Variants in SV2C observed in about 807,000 individuals in gnomAD.
SV2C encodes the protein synaptic vesicle glycoprotein 2C, also known as solute carrier family 22 member B3.
SV2C carries 49 observed loss-of-function variants against 79.7 expected under a neutral mutation model. The ratio of observed to expected loss-of-function variants is 0.61; its 90% CI spans 0.49 to 0.78. SV2C has a LOEUF of 0.78. Ranked by LOEUF, SV2C falls within the 30% of genes least tolerant of loss-of-function variation. The pLI is 0.00. For missense variants in SV2C, 833 were observed against 912.9 expected, an observed-to-expected ratio of 0.91 and a Z score of 1.13; for synonymous variants, 334 against 333.2, an observed-to-expected ratio of 1.00 and a Z score of -0.03.
At chr5:76,343,076 A>C (rs1188119661) in intron 12 of SV2C, among the ~76,000 whole-genome samples, 1 of 152,142 alleles carries the variant, frequency 6.6e-6, no homozygotes, top group Admixed American at 6.6e-5. Context: ...ATTGTAATGT[A>C]GTCTAAGTTA....
the SV2C span, among the ~76,000 whole-genome samples, chr5:75,994,195 T>G: frequency 2.0e-5 from 3 of 152,112 alleles, no homozygotes; most frequent in African/African-American, 7.2e-5. Context: ...GTAAATCATG[T>G]CTATATGTGA....
At chr5:76,268,917 AC>A (rs1204465437) in intron 4 of SV2C, among the ~76,000 whole-genome samples, 1 of 152,246 alleles carries the variant, frequency 6.6e-6, no homozygotes, top group African/African-American at 2.4e-5. Flanking sequence ...TAACACAAAA[AC>A]AAAACACATT....
At chr5:75,935,617 A>T in the SV2C span, among the ~76,000 whole-genome samples, 3 of 152,360 alleles carry the variant, frequency 2.0e-5, no homozygotes, top group East Asian at 5.8e-4. Flanking sequence ...TCAGGAAGAC[A>T]TAAATGTACT....
the SV2C span, among the ~76,000 whole-genome samples, chr5:75,972,437 G>C: frequency 6.6e-6 from 1 of 151,952 alleles, no homozygotes; most frequent in African/African-American, 2.4e-5. Flanking sequence ...ATCTGACAAA[G>C]GGCTAATATC....
chr5:76,272,397 C>G (rs952803722), intron 4 of SV2C, among the ~76,000 whole-genome samples: 1 of 152,112 alleles, frequency 6.6e-6, no homozygotes, highest in Non-Finnish European at 1.5e-5. Context: ...GTGCAAACAG[C>G]AAAAAGAAAA....
At chr5:76,108,843 G>A (rs565476359) in intron 1 of SV2C, among the ~76,000 whole-genome samples, 11 of 152,282 alleles carry the variant, frequency 7.2e-5, no homozygotes, top group South Asian at 6.2e-4. Context: ...GTTGTTTGGC[G>A]TCATGTAGAC....
chr5:76,325,991 T>C lies in SV2C; in HGVS notation c.*444T>C, dbSNP rs1184561394. On this transcript the variant is annotated 3_prime_UTR_variant, in exon 13 of 13. Transcript: ENST00000502798. ...AAGAGGGATTCTTTTTTTTTTTTTT[T>C]CTAACAGAGTGATATTTCCTGTTTA... 1.3e-5 allele frequency: 2 copies of C among 152,840 alleles called. No individual in the cohort carries two copies. The highest frequency in any genetic ancestry group is 2.9e-5 in the Non-Finnish European group (2 of 69,544). 9.5% of individuals were successfully genotyped at this position (152,840 alleles called of 1,614,324 possible). A position where few individuals can be genotyped will look rare whatever the true frequency, so the allele number is the denominator to read the frequency against.
intron 2 of SV2C, among the ~76,000 whole-genome samples, chr5:76,155,149 C>G (rs917759046): frequency 6.6e-6 from 1 of 152,176 alleles, no homozygotes; most frequent in Non-Finnish European, 1.5e-5. Context: ...ATCTAGCCTT[C>G]TGTCTTCTAA....
chr5:76,150,585 C>T (rs1300531928), intron 2 of SV2C, among the ~76,000 whole-genome samples: 1 of 151,000 alleles, frequency 6.6e-6, no homozygotes, highest in East Asian at 1.9e-4. Context: ...AGAAAGCACA[C>T]CAGCAGTGGC....
chr5:76,344,164 G>C (rs2112587258), intron 12 of SV2C, among the ~76,000 whole-genome samples: 1 of 152,204 alleles, frequency 6.6e-6, no homozygotes, highest in South Asian at 2.1e-4. Flanking sequence ...CTGTTTTCCA[G>C]CATTTTTATG....
intron 2 of SV2C, among the ~76,000 whole-genome samples, chr5:76,158,813 C>T (rs960189499): frequency 7.9e-5 from 12 of 151,920 alleles, no homozygotes; most frequent in African/African-American, 2.7e-4. Context: ...CAGTATTACC[C>T]TAATACCAAA....
the SV2C span, among the ~76,000 whole-genome samples, chr5:76,009,457 A>C: frequency 6.6e-6 from 1 of 152,232 alleles, no homozygotes; most frequent in Non-Finnish European, 1.5e-5. Flanking sequence ...AGACACACAC[A>C]CTTGCATGTT....
chr5:75,897,952 T>C, the SV2C span, among the ~76,000 whole-genome samples: 168 of 150,884 alleles, frequency 1.1e-3, 3 homozygotes, highest in African/African-American at 3.9e-3. Flanking sequence ...TGCTTATCAG[T>C]TTAAGTAGAT....
the SV2C span, among the ~76,000 whole-genome samples, chr5:75,971,686 A>T: frequency 6.6e-6 from 1 of 152,114 alleles, no homozygotes; most frequent in Non-Finnish European, 1.5e-5. Context: ...GGATACAAAC[A>T]AATGCAAGAA....
the SV2C span, among the ~76,000 whole-genome samples, chr5:75,848,380 T>A: frequency 2.0e-5 from 3 of 152,170 alleles, no homozygotes; most frequent in African/African-American, 7.2e-5. Flanking sequence ...TAGTTACATA[T>A]ATTCTACCAA....
chr5:75,937,320 G>A, the SV2C span, among the ~76,000 whole-genome samples: 1 of 152,088 alleles, frequency 6.6e-6, no homozygotes, highest in East Asian at 1.9e-4. Context: ...ATATCTTAGA[G>A]TTTATTGTGA....
At chr5:75,959,652 A>G in the SV2C span, among the ~76,000 whole-genome samples, 1 of 151,924 alleles carries the variant, frequency 6.6e-6, no homozygotes, top group Non-Finnish European at 1.5e-5. Flanking sequence ...TAATTGGGGG[A>G]AATATCAATT....
At chr5:75,944,865 C>T in the SV2C span, among the ~76,000 whole-genome samples, 2 of 152,102 alleles carry the variant, frequency 1.3e-5, no homozygotes, top group Non-Finnish European at 2.9e-5. Flanking sequence ...TACACTTCCA[C>T]CATTTGGTGC....
At chr5:76,237,565 T>C (rs1501926) in intron 4 of SV2C, among the ~76,000 whole-genome samples, 66,627 of 151,978 alleles carry the variant, frequency 0.44, 15,701 homozygotes, top group African/African-American at 0.61. Flanking sequence ...ACCTTCTTTT[T>C]GGTGAAGTAT....
Sources: gnomAD v4.1 joint callset for allele counts (sites outside exome capture counted in the v4.1 genomes callset) on GRCh38, gnomAD v4.1.1 for gene constraint, MANE v1.5 for transcripts, NCBI Gene and HGNC (gene_info 2026-07-23, HGNC 2026-07-21) for gene names.